RPSA2: variants seen among roughly 807,000 people sequenced by gnomAD.
The protein encoded by RPSA2 is small ribosomal subunit protein uS2B.
chr19:23,851,241 G>A, the RPSA2 span, among the ~76,000 whole-genome samples: 2 of 152,296 alleles, frequency 1.3e-5, no homozygotes, highest in South Asian at 2.1e-4. Flanking sequence ...TTAATACCAG[G>A]TTCCTGATTT....
At chr19:23,778,995 C>CTTTTTTTTTT in the RPSA2 span, among the ~76,000 whole-genome samples, 6 of 80,696 alleles carry the variant, frequency 7.4e-5, no homozygotes, top group Non-Finnish European at 1.1e-4. Context: ...TTTTGTGACA[C>CTTTTTTTTTT]TTTTTTTTTT....
chr19:23,801,818 T>C, the RPSA2 span, among the ~76,000 whole-genome samples: 1 of 152,236 alleles, frequency 6.6e-6, no homozygotes, highest in African/African-American at 2.4e-5. Flanking sequence ...TGAATATTTC[T>C]TCTCAAGTTA....
At chr19:23,780,365 C>T in the RPSA2 span, among the ~76,000 whole-genome samples, 4 of 152,110 alleles carry the variant, frequency 2.6e-5, no homozygotes, top group African/African-American at 4.8e-5. Flanking sequence ...GACTATCGGC[C>T]GGGCGCGGTG....
At chr19:23,775,653 C>T in the RPSA2 span, among the ~76,000 whole-genome samples, 1 of 152,164 alleles carries the variant, frequency 6.6e-6, no homozygotes, top group Non-Finnish European at 1.5e-5. Context: ...CAGAGACAGT[C>T]ACAAGTTGGA....
chr19:23,849,560 A>C, the RPSA2 span, among the ~76,000 whole-genome samples: 1 of 152,186 alleles, frequency 6.6e-6, no homozygotes, highest in Non-Finnish European at 1.5e-5. Flanking sequence ...TGTTCTGGGC[A>C]CAGAATGGGG....
chr19:23,840,323 C>G, the RPSA2 span, among the ~76,000 whole-genome samples: 6 of 152,174 alleles, frequency 3.9e-5, no homozygotes, highest in Admixed American at 2.6e-4. Context: ...TCTCTCCATC[C>G]AGGCTTCTTA....
At chr19:23,761,923 T>TCCTTCC in the RPSA2 span, among the ~76,000 whole-genome samples, 1 of 63,512 alleles carries the variant, frequency 1.6e-5, no homozygotes, top group African/African-American at 6.9e-5. Flanking sequence ...TTTCTTTCTT[T>TCCTTCC]TTTTTTTTTT....
the RPSA2 span, chr19:23,827,211 A>T: frequency 1.1e-6 from 1 of 938,282 alleles, no homozygotes; most frequent in East Asian, 2.6e-5. Context: ...GATGTCCTTA[A>T]GTTCCTTGCA....
chr19:23,790,771 A>G, the RPSA2 span: 1 of 505,212 alleles, frequency 2.0e-6, no homozygotes, highest in Non-Finnish European at 3.7e-6. Context: ...AAAGCCTAGA[A>G]ATGGTGAGAT....
chr19:23,759,016 A>C, the RPSA2 span: 1 of 559,454 alleles, frequency 1.8e-6, no homozygotes, highest in South Asian at 2.3e-5. Context: ...CCTGAGTGAC[A>C]GAAGATGTGA....
chr19:23,826,305 G>A, the RPSA2 span, among the ~76,000 whole-genome samples: 2 of 151,176 alleles, frequency 1.3e-5, no homozygotes, highest in African/African-American at 4.9e-5. Context: ...CAATTCTCAC[G>A]CCTCAGCCTC....
the RPSA2 span, among the ~76,000 whole-genome samples, chr19:23,847,353 G>T: frequency 6.6e-6 from 1 of 151,880 alleles, no homozygotes. Context: ...TTTCAACATA[G>T]GTTCTTTCTG....
At chr19:23,778,187 A>G in the RPSA2 span, among the ~76,000 whole-genome samples, 7 of 152,106 alleles carry the variant, frequency 4.6e-5, no homozygotes, top group Admixed American at 2.6e-4. Flanking sequence ...TGGCCAATCA[A>G]CTGTTTGATG....
chr19:23,762,676 C>CACAA, the RPSA2 span, among the ~76,000 whole-genome samples: 1 of 130,120 alleles, frequency 7.7e-6, no homozygotes, highest in South Asian at 2.5e-4. Flanking sequence ...AACTCGGTCT[C>CACAA]AAAAAAAAAA....
chr19:23,847,305 C>T, the RPSA2 span, among the ~76,000 whole-genome samples: 1 of 151,186 alleles, frequency 6.6e-6, no homozygotes, highest in Non-Finnish European at 1.5e-5. Flanking sequence ...TCAGATTTCT[C>T]TTGCATCTCT....
At chr19:23,800,374 T>C in the RPSA2 span, among the ~76,000 whole-genome samples, 1 of 151,964 alleles carries the variant, frequency 6.6e-6, no homozygotes, top group Non-Finnish European at 1.5e-5. Flanking sequence ...TCTCTGGGGC[T>C]GAAGAGAATT....
chr19:23,857,275 G>A, the RPSA2 span, among the ~76,000 whole-genome samples: 1 of 152,136 alleles, frequency 6.6e-6, no homozygotes, highest in African/African-American at 2.4e-5. Context: ...TACACCTTCA[G>A]CTTATGAAGA....
chr19:23,841,391 G>C, the RPSA2 span, among the ~76,000 whole-genome samples: 1 of 152,098 alleles, frequency 6.6e-6, no homozygotes, highest in Non-Finnish European at 1.5e-5. Flanking sequence ...GTGAACCTGA[G>C]GGGCGGAGCT....
chr19:23,840,408 G>A, the RPSA2 span, among the ~76,000 whole-genome samples: 1 of 152,178 alleles, frequency 6.6e-6, no homozygotes, highest in Non-Finnish European at 1.5e-5. Context: ...ATCAGCCTGA[G>A]CAGGTGAAGA....
Sources: allele counts gnomAD v4.1 joint callset (sites outside exome capture counted in the v4.1 genomes callset), GRCh38; gene constraint gnomAD v4.1.1; transcripts MANE v1.5; gene names NCBI Gene and HGNC (gene_info 2026-07-23, HGNC 2026-07-21).